The following BMP15 variants were observed in gnomAD, a reference collection of about 807,000 sequenced individuals.
BMP15 encodes the protein growth/differentiation factor 9B.
A neutral mutation model predicts 4.4 loss-of-function variants in BMP15; 5 were observed. The ratio of observed to expected loss-of-function variants is 1.13; its 90% CI spans 0.59 to 2.38. BMP15 has a LOEUF of 2.38. BMP15 is among the 30% of genes most tolerant of loss of function. The probability of loss-of-function intolerance (pLI) is 0.01; values close to 1 mark genes in which losing one functional copy is unlikely to be tolerated. For missense variants in BMP15, 339 were observed against 309.8 expected (o/e 1.09, Z -0.71); for synonymous variants, 125 against 114.6 (o/e 1.09, Z -0.58).
rs782375794 is a variant in BMP15, at chrX:50,916,413, C to A, written c.985C>A (p.Arg329Ser). The A allele has an allele frequency of 8.3e-7, 1 of 1,208,939 alleles. No individual in the cohort carries two copies. Among genetic ancestry groups the A allele is most frequent in the Non-Finnish European group, 1.1e-6 (1 of 893,528 alleles). Reference protein sequence around the residue: ...YCKGTCLRVLRDGLNSPNHAI... With the variant: ...YCKGTCLRVLSDGLNSPNHAI... ...TAAAGGAACTTGTCTCCGAGTACTACGCGATGGTCTCAATTCCCCCAATCA... is the reference window on the plus strand; with the variant it reads ...TAAAGGAACTTGTCTCCGAGTACTAAGCGATGGTCTCAATTCCCCCAATCA... Residue 329 changes from arginine (R) to serine (S), a missense_variant, in exon 2 of 2, where the codon CGC (arginine) becomes AGC (serine). Arg to Ser is a moderately radical substitution (Grantham distance 110). Coordinates refer to ENST00000252677, the MANE Select transcript of BMP15 (RefSeq NM_005448.2).
chrX:50,914,036 A>T (rs1397037775), intron 1 of BMP15, among the ~76,000 whole-genome samples: 2 of 111,669 alleles, frequency 1.8e-5, no homozygotes, highest in Admixed American at 9.5e-5. Context: ...AGTGGCACAA[A>T]CTCGGCTCAC....
intron 1 of BMP15, among the ~76,000 whole-genome samples, chrX:50,913,260 C>G (rs782426390): frequency 9.0e-6 from 1 of 110,977 alleles, no homozygotes; most frequent in East Asian, 2.9e-4. Flanking sequence ...AGACATGTCT[C>G]TACAAAAAAT....
At chrX:50,913,980 A>AT (rs1569550150) in intron 1 of BMP15, among the ~76,000 whole-genome samples, 2 of 111,261 alleles carry the variant, frequency 1.8e-5, no homozygotes, top group Non-Finnish European at 3.8e-5. Flanking sequence ...TATTTTACTT[A>AT]TTTTTTTGAG....
rs372173743 is a variant in BMP15 at position 50,916,608 on chromosome X, C to T, written c.*1C>T. ...TGCTGAGTCTTGTACATGCAGATGA[C>T]AGCAACAGTACGGCTAGATCAGGTT... On this transcript the variant is annotated 3_prime_UTR_variant, in exon 2 of 2. Transcript: ENST00000252677. 1 of 1,209,146 alleles carries T rather than the reference C, an allele frequency of 8.3e-7. No homozygotes were observed. The highest frequency in any genetic ancestry group is 1.8e-5 in the African/African-American group (1 of 56,993).
rs868942078 is a variant in BMP15, at chrX:50,910,946, G to A, written c.163G>A (p.Glu55Lys). The A allele has an allele frequency of 5.0e-6, 6 of 1,193,901 alleles. No individual in the cohort carries two copies. In the East Asian group the frequency reaches 9.1e-5, roughly 18 times the overall value. ...GGAGCTGCTAGAAGAATCCCCTGGC[G>A]AACAGCCAAGGAAGCCCCGGCTCCT... ...IEELLEESPGEQPRKPRLLGH... is the reference protein window; with the variant it reads ...IEELLEESPGKQPRKPRLLGH... The change falls in exon 1 of 2, where the codon GAA becomes AAA. Residue 55 changes from glutamate (E) to lysine (K), a missense_variant. Transcript: ENST00000252677.
Position 50,916,069 on chromosome X carries a change from A to T in BMP15, c.641A>T (p.Asp214Val). 1 of 1,212,018 alleles carries T rather than the reference A, an allele frequency of 8.3e-7. No homozygotes were observed. The highest frequency in any genetic ancestry group is 1.1e-6 in the Non-Finnish European group (1 of 895,571). The part of the protein sequence containing the change: ...RLRFMCQQQK[D>V]SGGLELWHGT... ...CGTTTTATGTGTCAGCAGCAAAAAG[A>T]TAGTGGTGGTCTTGAGCTCTGGCAT... Residue 214 changes from aspartate to valine, a missense_variant, in exon 2 of 2, where the codon GAT (aspartate) becomes GTT (valine). Asp to Val is a radical substitution (Grantham distance 152). Transcript: ENST00000252677.
chrX:50,915,675 A>C, intron 1 of BMP15, 82 bp from the exon 2 acceptor site: 1 of 1,144,049 alleles, frequency 8.7e-7, no homozygotes. Flanking sequence ...CTATCAGTCT[A>C]TATCAAGACA....
rs182148961 is a variant in BMP15 at position 50,913,005 on chromosome X, C to G, written c.328+1894C>G. Among the ~76,000 whole-genome samples, 138 of 111,194 alleles carry G rather than the reference C, an allele frequency of 1.2e-3. 1 individual carries two copies. Among genetic ancestry groups the G allele is most frequent in the African/African-American group, 2.8e-3 (85 of 30,573 alleles). ...GCAGAGGAACAACAGGTGCAAATGC[C>G]TAGAGGGTGAAAACAAGTTGGTTCC... On this transcript the variant is annotated intron_variant, in intron 1 of 1. Transcript: ENST00000252677.
At position 50,916,113 on chromosome X, in the gene BMP15, A is replaced by C; in HGVS notation, c.685A>C (p.Ile229Leu). 1 of 1,211,611 alleles carries C rather than the reference A, an allele frequency of 8.3e-7. No individual in the cohort carries two copies. The highest frequency in any genetic ancestry group is 1.1e-6 in the Non-Finnish European group (1 of 895,547). ...CTGGCATGGCACTTCATCCTTGGAC[A>C]TTGCCTTCTTGTTACTCTATTTCAA... is the stretch of plus-strand genomic sequence containing the variant. ...ELWHGTSSLD[I>L]AFLLLYFNDT... Residue 229 changes from isoleucine to leucine, a missense_variant, in exon 2 of 2, where the codon ATT (isoleucine) becomes CTT (leucine). Ile to Leu is a conservative substitution (Grantham distance 5, BLOSUM62 2). Coordinates refer to ENST00000252677, the MANE Select transcript of BMP15 (RefSeq NM_005448.2).
intron 1 of BMP15, among the ~76,000 whole-genome samples, chrX:50,913,047 A>G (rs1601952935): frequency 9.0e-6 from 1 of 111,319 alleles, no homozygotes; most frequent in Non-Finnish European, 1.9e-5. Context: ...AGAACAGAGG[A>G]AAATCAGTAT....
chrX:50,911,519 C>T (rs1320798872), intron 1 of BMP15, among the ~76,000 whole-genome samples: 2 of 112,033 alleles, frequency 1.8e-5, no homozygotes, highest in African/African-American at 6.5e-5. Flanking sequence ...CTTATAAGGC[C>T]TCAGAAAGGA....
chrX:50,912,774 G>A (rs1923040284), intron 1 of BMP15, among the ~76,000 whole-genome samples: 1 of 111,972 alleles, frequency 8.9e-6, no homozygotes, highest in African/African-American at 3.3e-5. Flanking sequence ...TGTTCTCGTA[G>A]GGGAGACAAA....
At chrX:50,914,090 C>T (rs1342685602) in intron 1 of BMP15, among the ~76,000 whole-genome samples, 1 of 111,767 alleles carries the variant, frequency 8.9e-6, no homozygotes, top group Non-Finnish European at 1.9e-5. Flanking sequence ...CCTGCCTCAG[C>T]CTCCCGAGTA....
intron 1 of BMP15, 146 bp downstream of exon 1, chrX:50,911,257 C>A: frequency 1.4e-6 from 1 of 718,627 alleles, no homozygotes; most frequent in Non-Finnish European, 2.1e-6. Context: ...GGATGGCAAG[C>A]TTTGGAGAAG....
rs781921843 is a variant in BMP15 at position 50,915,712 on chromosome X, G to C, written c.329-45G>C. On this transcript the variant is annotated intron_variant, in intron 1 of 1. Transcript: ENST00000252677. ...TTTATGAGGAATATTCATGTTAAGA[G>C]GTAAGAAGCTAAACCTCTGCTCTTG... 4 of 1,207,111 alleles carry C rather than the reference G, an allele frequency of 3.3e-6. No homozygotes were observed. The South Asian group carries it at 7.1e-5, about 21-fold the overall frequency.
At chrX:50,911,162 A>G (rs1557279960) in intron 1 of BMP15, 51 bp downstream of exon 1, 2 of 1,129,874 alleles carry the variant, frequency 1.8e-6, no homozygotes, top group East Asian at 3.3e-5. Flanking sequence ...AGTGGAGAGG[A>G]GTGTAGAGAA....
Position 50,916,540 on chromosome X carries a change from A to G in BMP15, c.1112A>G (p.Glu371Gly), listed in dbSNP as rs782538557. 8.3e-7 allele frequency: 1 copy of G among 1,211,291 alleles called. No individual in the cohort carries two copies. The highest frequency in any genetic ancestry group is 2.2e-5 in the Admixed American group (1 of 45,966). The change falls in exon 2 of 2, where the codon GAG becomes GGG. Residue 371 changes from glutamate (E) to glycine (G), a missense_variant. Glu to Gly is a moderately conservative substitution (Grantham distance 98, BLOSUM62 -2). Coordinates refer to ENST00000252677, the MANE Select transcript of BMP15 (RefSeq NM_005448.2). ...KYVPISVLMIEANGSILYKEY... is the reference protein window; with the variant it reads ...KYVPISVLMIGANGSILYKEY... ...GTTCCAATTAGTGTCCTTATGATTG[A>G]GGCAAATGGGAGTATTTTGTACAAG...
chrX:50,910,829 G>A lies in BMP15; in HGVS notation c.46G>A (p.Val16Met), dbSNP rs138281369. 15 of 1,208,098 alleles carry A rather than the reference G, an allele frequency of 1.2e-5. No individual in the cohort carries two copies. The highest frequency in any genetic ancestry group is 3.6e-5 in the South Asian group (2 of 56,236). ...ILRILFLCELVLFMEHRAQMA... is the reference protein window; with the variant it reads ...ILRILFLCELMLFMEHRAQMA... ...TAGAATTCTTTTTCTTTGTGAACTC[G>A]TGCTTTTCATGGAACACAGGGCCCA... Residue 16 changes from valine (V) to methionine (M), a missense_variant, in exon 1 of 2, where the codon GTG (valine) becomes ATG (methionine). By Grantham distance (21) the Val-to-Met change is conservative. Coordinates refer to ENST00000252677, the MANE Select transcript of BMP15 (RefSeq NM_005448.2).
At chrX:50,913,645 T>G (rs1290593025) in intron 1 of BMP15, among the ~76,000 whole-genome samples, 1 of 111,143 alleles carries the variant, frequency 9.0e-6, no homozygotes, top group East Asian at 2.9e-4. Flanking sequence ...GGATGTGTGA[T>G]TCAGCCCTTT....
Sources: allele counts gnomAD v4.1 joint callset (sites outside exome capture counted in the v4.1 genomes callset), GRCh38; gene constraint gnomAD v4.1.1; transcripts MANE v1.5; gene names NCBI Gene and HGNC (gene_info 2026-07-23, HGNC 2026-07-21).